PCDH9: variants seen among roughly 807,000 people sequenced by gnomAD.
PCDH9 encodes protocadherin 9, also known as protocadherin-9.
In PCDH9, 24 loss-of-function variants were observed where a neutral mutation model predicts 70.6. That is an observed-to-expected ratio of 0.34 (90% CI 0.25 to 0.48). PCDH9 has a LOEUF of 0.48. PCDH9 is among the 20% of genes least tolerant of loss of function. The pLI is 0.99. For missense variants in PCDH9, 1,281 were observed against 1,503.6 expected, an observed-to-expected ratio of 0.85 and a Z score of 2.45; for synonymous variants, 562 against 558.5, an observed-to-expected ratio of 1.01 and a Z score of -0.09.
intron 4 of PCDH9, among the ~76,000 whole-genome samples, chr13:66,376,922 C>A (rs181826285): frequency 1.8e-4 from 27 of 152,142 alleles, no homozygotes; most frequent in Non-Finnish European, 2.8e-4. Flanking sequence ...AACCATTTAT[C>A]TGGGATGATA....
At chr13:66,537,837 A>T (rs1234473667) in intron 4 of PCDH9, among the ~76,000 whole-genome samples, 2 of 152,158 alleles carry the variant, frequency 1.3e-5, no homozygotes, top group African/African-American at 2.4e-5. Context: ...TGAGGTGAAC[A>T]TTTTTGTTAA....
chr13:67,204,074 C>T (rs1043708747), intron 2 of PCDH9: 7 of 152,130 alleles, frequency 4.6e-5, no homozygotes, highest in African/African-American at 1.7e-4. Flanking sequence ...AGTATGATTA[C>T]ATATAAGGCT....
intron 4 of PCDH9, among the ~76,000 whole-genome samples, chr13:66,569,523 C>G (rs979681477): frequency 7.2e-5 from 11 of 152,034 alleles, no homozygotes; most frequent in African/African-American, 2.7e-4. Flanking sequence ...TGTCATTGTA[C>G]TGTAACGTCA....
chr13:67,194,969 G>T (rs2138032928), intron 2 of PCDH9, among the ~76,000 whole-genome samples: 1 of 152,234 alleles, frequency 6.6e-6, no homozygotes, highest in South Asian at 2.1e-4. Context: ...TGTGTTTTGT[G>T]TCAGGGAAGA....
In PCDH9 at chr13:67,227,097, A is replaced by C; in HGVS notation, c.1344T>G (p.Ser448Arg). The stretch of plus-strand genomic sequence containing the variant: ...CCCTTACCAGGGCAGTCTGATTTAA[A>C]CTGGGCTTCCCAGAATCAGAGGCAA... ...KIVASDSGKP[S>R]LNQTALVRVK... Residue 448 changes from serine to arginine, a missense_variant, in exon 2 of 5, where the codon AGT (serine) becomes AGG (arginine). Ser to Arg is a moderately radical substitution (Grantham distance 110, BLOSUM62 -1). Around this residue, in one of 4 missense-constraint regions of PCDH9, gnomAD observed 798 missense variants for 1,003.1 expected, o/e 0.80. Transcript: ENST00000377865. The surrounding 1 kb of genome is among the most constrained non-coding windows in gnomAD (Gnocchi z 4.6). The C allele has an allele frequency of 6.2e-7, 1 of 1,614,086 alleles. No homozygotes were observed. Among genetic ancestry groups the C allele is most frequent in the Non-Finnish European group, 8.5e-7 (1 of 1,179,982 alleles).
intron 2 of PCDH9, among the ~76,000 whole-genome samples, chr13:67,129,710 A>G (rs2087064022): frequency 6.6e-6 from 1 of 151,916 alleles, no homozygotes. Flanking sequence ...TCTATAGTTA[A>G]AGGAGCTAGC....
At chr13:66,837,399 C>A (rs1043461262) in intron 3 of PCDH9, among the ~76,000 whole-genome samples, 2 of 152,158 alleles carry the variant, frequency 1.3e-5, no homozygotes, top group Non-Finnish European at 2.9e-5. Flanking sequence ...AAGAAGTTAA[C>A]TGACCTGCCC....
At chr13:66,926,026 C>T (rs2082712375) in intron 2 of PCDH9, among the ~76,000 whole-genome samples, 1 of 151,894 alleles carries the variant, frequency 6.6e-6, no homozygotes, top group Non-Finnish European at 1.5e-5. Flanking sequence ...CTAGTTTCCT[C>T]ACGTATTTCA....
chr13:66,667,232 A>C (rs2078108446), intron 3 of PCDH9, among the ~76,000 whole-genome samples: 1 of 152,152 alleles, frequency 6.6e-6, no homozygotes, highest in Non-Finnish European at 1.5e-5. Flanking sequence ...GGCTGGAAGG[A>C]GAGAGGGATG....
intron 3 of PCDH9, among the ~76,000 whole-genome samples, chr13:66,680,596 A>T (rs552792615): frequency 6.6e-6 from 1 of 151,882 alleles, no homozygotes; most frequent in Admixed American, 6.6e-5. Flanking sequence ...ACTTTTATCC[A>T]TAGGTTGCTG....
intron 4 of PCDH9, among the ~76,000 whole-genome samples, chr13:66,472,294 G>T (rs1313834342): frequency 6.6e-6 from 1 of 151,972 alleles, no homozygotes; most frequent in African/African-American, 2.4e-5. Flanking sequence ...CCCAGGTCAG[G>T]TGTGGTTGCT....
chr13:66,332,913 T>C (rs573756094), intron 4 of PCDH9, among the ~76,000 whole-genome samples: 1 of 152,032 alleles, frequency 6.6e-6, no homozygotes, highest in Non-Finnish European at 1.5e-5. Flanking sequence ...TGTTTATGAA[T>C]GTTCATTGAG....
At chr13:66,807,200 A>G (rs544632721) in intron 3 of PCDH9, among the ~76,000 whole-genome samples, 1 of 152,204 alleles carries the variant, frequency 6.6e-6, no homozygotes. Context: ...ACTTAATATC[A>G]TAAGCTTAAA....
chr13:66,663,611 C>T (rs548573125), intron 3 of PCDH9, among the ~76,000 whole-genome samples: 4 of 152,310 alleles, frequency 2.6e-5, no homozygotes, highest in African/African-American at 4.8e-5. Context: ...TATCTTGACA[C>T]TAATGACCTG....
At chr13:66,407,144 T>G (rs1345310151) in intron 4 of PCDH9, among the ~76,000 whole-genome samples, 1 of 152,212 alleles carries the variant, frequency 6.6e-6, no homozygotes, top group African/African-American at 2.4e-5. Context: ...TAAATGACTT[T>G]CATCATTTCT....
At chr13:67,058,008 T>G (rs10492597) in intron 2 of PCDH9, among the ~76,000 whole-genome samples, 15,477 of 152,150 alleles carry the variant, frequency 0.1, 853 homozygotes, top group Non-Finnish European at 0.12. Flanking sequence ...TATATCCAAT[T>G]TGAATAGCAG....
At chr13:66,512,704 T>C (rs1157127088) in intron 4 of PCDH9, among the ~76,000 whole-genome samples, 1 of 149,838 alleles carries the variant, frequency 6.7e-6, no homozygotes, top group Non-Finnish European at 1.5e-5. Context: ...TTTCATATTG[T>C]ATATTGTTAA....
At chr13:67,052,072 T>C (rs889368077) in intron 2 of PCDH9, among the ~76,000 whole-genome samples, 2 of 152,188 alleles carry the variant, frequency 1.3e-5, no homozygotes, top group African/African-American at 4.8e-5. Flanking sequence ...GTCACTCTGC[T>C]ATAAGTGATA....
At chr13:66,921,000 A>AT (rs1368552462) in intron 2 of PCDH9, among the ~76,000 whole-genome samples, 1 of 151,234 alleles carries the variant, frequency 6.6e-6, no homozygotes, top group Non-Finnish European at 1.5e-5. Flanking sequence ...GAATCTCAGA[A>AT]TTTAGGAATG....
Sources: allele counts gnomAD v4.1 joint callset (sites outside exome capture counted in the v4.1 genomes callset), GRCh38; gene constraint gnomAD v4.1.1; regional missense constraint gnomAD v4.1.1; non-coding constraint Gnocchi (gnomAD v3.1); transcripts MANE v1.5; gene names NCBI Gene and HGNC (gene_info 2026-07-23, HGNC 2026-07-21).